PDE4D: variants seen among roughly 807,000 people sequenced by gnomAD.
The protein encoded by PDE4D is phosphodiesterase 4D.
Under a neutral mutation model 87.4 loss-of-function variants are expected in PDE4D, and 24 were observed. The ratio of observed to expected loss-of-function variants is 0.27; its 90% CI spans 0.20 to 0.39. The LOEUF (loss-of-function observed/expected upper bound fraction) is 0.39. Among genes scored for constraint, PDE4D ranks in the 10% least tolerant of loss-of-function variants. The pLI is 1.00. For missense variants in PDE4D, 714 were observed against 1,041.0 expected, an observed-to-expected ratio of 0.69 and a Z score of 4.32; for synonymous variants, 384 against 383.2, an observed-to-expected ratio of 1.00 and a Z score of -0.02.
chr5:59,813,780 T>C (rs1768651400), intron 1 of PDE4D, among the ~76,000 whole-genome samples: 1 of 152,198 alleles, frequency 6.6e-6, no homozygotes, highest in African/African-American at 2.4e-5. Context: ...GGCACATCAC[T>C]GTCTGGGCAG....
At chr5:59,275,412 A>T (rs746243123) in intron 1 of PDE4D, 1 of 1,596,366 alleles carries the variant, frequency 6.3e-7, no homozygotes, top group Non-Finnish European at 8.5e-7. Context: ...TTTTGAAAAA[A>T]AATAAAAAGG....
rs181319842 is a variant in PDE4D, at chr5:59,987,266, T to A, written c.272+1222A>T. 6 of 152,320 alleles carry A rather than the reference T, an allele frequency of 3.9e-5. No individual in the cohort carries two copies. The East Asian group carries it at 9.6e-4, about 24-fold the overall frequency. 9.4% of individuals were successfully genotyped at this position (152,320 alleles called of 1,614,324 possible). A position where few individuals can be genotyped will look rare whatever the true frequency, so the allele number is the denominator to read the frequency against. On this transcript the variant is annotated intron_variant, in intron 3 of 16. Transcript: ENST00000502484. ...CAGCATTTTTCAAAAAATGTTCAGG[T>A]CAAGCTGTCATATAAAATTCCCATC...
At chr5:59,248,041 GTAAAAAAAAAAAAA>G (rs1348336687) in intron 1 of PDE4D, among the ~76,000 whole-genome samples, 4 of 47,854 alleles carry the variant, frequency 8.4e-5, no homozygotes, top group Admixed American at 6.0e-4. Context: ...GTATCTATTA[GTAAAAAAAAAAAAA>G]AAAAAAAAAA....
chr5:59,755,110 T>A (rs185222670), intron 1 of PDE4D, among the ~76,000 whole-genome samples: 2 of 152,310 alleles, frequency 1.3e-5, no homozygotes, highest in Admixed American at 1.3e-4. Flanking sequence ...TTGAATTAAA[T>A]AAGGAGAAGC....
intron 1 of PDE4D, among the ~76,000 whole-genome samples, chr5:60,393,011 T>C (rs1325035412): frequency 2.9e-4 from 44 of 152,238 alleles, no homozygotes; most frequent in Non-Finnish European, 4.4e-5. Context: ...CCAGGGAAGA[T>C]TTCCTTGAGG....
chr5:59,812,543 C>T (rs1768476025), intron 1 of PDE4D, among the ~76,000 whole-genome samples: 1 of 152,004 alleles, frequency 6.6e-6, no homozygotes, highest in Admixed American at 6.6e-5. Context: ...CGTGGTGGCG[C>T]ATGCCTGTAA....
chr5:60,217,676 A>G (rs139235552), intron 1 of PDE4D, among the ~76,000 whole-genome samples: 325 of 152,120 alleles, frequency 2.1e-3, no homozygotes, highest in African/African-American at 7.6e-3. Flanking sequence ...TTACATATTT[A>G]TCAGAATACA....
intron 5 of PDE4D, among the ~76,000 whole-genome samples, chr5:59,061,804 A>G (rs768946011): frequency 2.6e-5 from 4 of 152,198 alleles, no homozygotes; most frequent in Non-Finnish European, 5.9e-5. Flanking sequence ...TTCACAGATT[A>G]TGAAACATAA....
At chr5:60,518,125 G>A (rs191002572) in intron 1 of PDE4D, among the ~76,000 whole-genome samples, 10 of 152,300 alleles carry the variant, frequency 6.6e-5, no homozygotes, top group African/African-American at 1.9e-4. Context: ...CACTTGTGTC[G>A]GCATCTGGAG....
In PDE4D at chr5:59,839,448, T is replaced by G. The variant is rs181190814; in HGVS notation, c.455+53720A>C. On this transcript the variant is annotated intron_variant, in intron 1 of 14. Transcript: ENST00000340635. Reference sequence around the variant, plus strand: ...GTTTTTTGTTTTTCAGGTTTTTTGCTGTCATTTTTGTTGTACTTCATTTTT... The same window carrying G: ...GTTTTTTGTTTTTCAGGTTTTTTGCGGTCATTTTTGTTGTACTTCATTTTT... Among the ~76,000 whole-genome samples the G allele has an allele frequency of 2.0e-5, 3 of 152,096 alleles. No individual in the cohort carries two copies. The East Asian group carries it at 5.8e-4, about 30-fold the overall frequency.
chr5:59,434,694 A>T (rs1265941903), intron 1 of PDE4D, among the ~76,000 whole-genome samples: 1 of 152,028 alleles, frequency 6.6e-6, no homozygotes, highest in Non-Finnish European at 1.5e-5. Context: ...TGTAATTCAA[A>T]TCAACTGTGT....
chr5:59,216,715 C>G (rs1751341810), intron 1 of PDE4D: 1 of 155,532 alleles, frequency 6.4e-6, no homozygotes, highest in African/African-American at 2.4e-5. Flanking sequence ...GAGGCACTAT[C>G]TCCTTCTCAC....
intron 2 of PDE4D, among the ~76,000 whole-genome samples, chr5:60,039,506 A>C (rs1332321957): frequency 6.6e-6 from 1 of 152,064 alleles, no homozygotes; most frequent in East Asian, 1.9e-4. Flanking sequence ...TAATGGGTGC[A>C]GCACACCAGC....
At chr5:59,941,367 A>G (rs1163461258) in intron 3 of PDE4D, among the ~76,000 whole-genome samples, 1 of 152,142 alleles carries the variant, frequency 6.6e-6, no homozygotes, top group African/African-American at 2.4e-5. Flanking sequence ...CACTAATACA[A>G]TCGAATTGTG....
At chr5:59,811,095 G>C (rs1189467297) in intron 1 of PDE4D, among the ~76,000 whole-genome samples, 1 of 152,212 alleles carries the variant, frequency 6.6e-6, no homozygotes, top group Non-Finnish European at 1.5e-5. Context: ...AGAAAGCAGA[G>C]AGAAGGAAAG....
intron 2 of PDE4D, chr5:60,022,427 A>C (rs976822292): frequency 6.6e-6 from 1 of 152,180 alleles, no homozygotes; most frequent in Non-Finnish European, 1.5e-5. Flanking sequence ...CAAGAATTTT[A>C]TATTCCTTTA....
Position 59,275,656 on chromosome 5 carries a change from T to C in PDE4D, c.456-59688A>G, listed in dbSNP as rs2153543827. On this transcript the variant is annotated intron_variant, in intron 1 of 14. Coordinates refer to ENST00000340635, the MANE Select transcript of PDE4D (RefSeq NM_001104631.2). ...TGTTAGGAAGTGACAGTTTCTTCTG[T>C]GTCTTGCAATGCCAAGGGAGGAACT... The C allele has an allele frequency of 2.5e-6, 3 of 1,187,898 alleles. No individual in the cohort carries two copies. In the South Asian group the frequency reaches 9.9e-5, roughly 39 times the overall value. 73.6% of individuals were successfully genotyped at this position (1,187,898 alleles called of 1,614,324 possible).
chr5:59,443,000 AC>A (rs1797868601), intron 1 of PDE4D, among the ~76,000 whole-genome samples: 1 of 152,194 alleles, frequency 6.6e-6, no homozygotes, highest in African/African-American at 2.4e-5. Flanking sequence ...CCTTAGAAAA[AC>A]CCAGCAGAGT....
intron 1 of PDE4D, among the ~76,000 whole-genome samples, chr5:59,252,514 C>G (rs528721235): frequency 6.6e-6 from 1 of 151,628 alleles, no homozygotes; most frequent in African/African-American, 2.4e-5. Flanking sequence ...ATATGGTTAA[C>G]CATATCATCT....
Sources: allele counts gnomAD v4.1 joint callset (sites outside exome capture counted in the v4.1 genomes callset), GRCh38; gene constraint gnomAD v4.1.1; transcripts MANE v1.5; gene names NCBI Gene and HGNC (gene_info 2026-07-23, HGNC 2026-07-21).